The following GRIP1 variants were observed in gnomAD, a reference collection of about 807,000 sequenced individuals.
The protein encoded by GRIP1 is glutamate receptor interacting protein 1.
In GRIP1, 45 loss-of-function variants were observed where a neutral mutation model predicts 129.9. That is an observed-to-expected ratio of 0.35 (90% CI 0.27 to 0.44). The LOEUF is 0.44. Ranked by LOEUF, GRIP1 falls within the 20% of genes least tolerant of loss-of-function variation. The probability of loss-of-function intolerance (pLI) is 1.00; values close to 1 mark genes in which losing one functional copy is unlikely to be tolerated. For synonymous variants in GRIP1, 530 were observed against 520.8 expected (o/e 1.02, Z -0.24); for missense variants, 1,196 against 1,396.8 (o/e 0.86, Z 2.29).
At chr12:66,814,589 T>TAAAAA (rs79461500) in intron 1 of GRIP1, among the ~76,000 whole-genome samples, 1 of 108,414 alleles carries the variant, frequency 9.2e-6, no homozygotes. Flanking sequence ...AGTGATACCA[T>TAAAAA]AAAAAAAAAA....
chr12:66,923,214 C>T (rs1172293590), intron 1 of GRIP1, among the ~76,000 whole-genome samples: 1 of 152,090 alleles, frequency 6.6e-6, no homozygotes, highest in African/African-American at 2.4e-5. Context: ...GACACAGTGG[C>T]ACATTCCTGT....
At chr12:66,536,242 A>T (rs1160633124) in intron 4 of GRIP1, among the ~76,000 whole-genome samples, 3 of 152,130 alleles carry the variant, frequency 2.0e-5, no homozygotes. Flanking sequence ...GGTCTCTTAC[A>T]GTCTGTTGTC....
At chr12:66,401,135 T>C (rs1020731810) in intron 16 of GRIP1, among the ~76,000 whole-genome samples, 4 of 152,144 alleles carry the variant, frequency 2.6e-5, no homozygotes, top group African/African-American at 9.7e-5. Context: ...GGAAAACGCC[T>C]ACAACCCCAA....
At chr12:67,068,451 G>A (rs1054203532) in intron 1 of GRIP1, among the ~76,000 whole-genome samples, 9 of 152,092 alleles carry the variant, frequency 5.9e-5, no homozygotes, top group African/African-American at 2.2e-4. Context: ...CCCAGACCCT[G>A]ATCGAGGGGA....
At chr12:66,961,774 G>C (rs2041924825) in intron 1 of GRIP1, among the ~76,000 whole-genome samples, 1 of 152,106 alleles carries the variant, frequency 6.6e-6, no homozygotes, top group Non-Finnish European at 1.5e-5. Context: ...GCAAGTGCAG[G>C]TTTACTCTGT....
intron 1 of GRIP1, among the ~76,000 whole-genome samples, chr12:66,766,807 C>T (rs982638728): frequency 7.2e-5 from 11 of 152,178 alleles, no homozygotes; most frequent in Admixed American, 7.2e-4. Context: ...GGAATTCCAA[C>T]CTGCTCTTCC....
In GRIP1 at chr12:66,975,519, C is replaced by A. The variant is rs141027415; in HGVS notation, c.58+93531G>T. Among the ~76,000 whole-genome samples the A allele has an allele frequency of 3.1e-3, 472 of 152,226 alleles. 3 individuals carry two copies. The highest frequency in any genetic ancestry group is 0.011 in the African/African-American group (458 of 41,536). On this transcript the variant is annotated intron_variant, in intron 1 of 1. Transcript: ENST00000643019. Reference sequence around the variant, plus strand: ...TTAACAATAAAAAATAGATTTCCACCTACCATGATAGAGGACTTATCTTTC... The same window carrying A: ...TTAACAATAAAAAATAGATTTCCACATACCATGATAGAGGACTTATCTTTC...
intron 1 of GRIP1, among the ~76,000 whole-genome samples, chr12:66,788,732 C>T (rs2136840570): frequency 6.6e-6 from 1 of 152,154 alleles, no homozygotes; most frequent in African/African-American, 2.4e-5. Context: ...AACTTGGATC[C>T]TGCCTGCAGC....
chr12:66,391,285 A>G (rs1175173369), intron 19 of GRIP1, among the ~76,000 whole-genome samples: 1 of 152,266 alleles, frequency 6.6e-6, no homozygotes, highest in Admixed American at 6.5e-5. Flanking sequence ...TGGAATTTAC[A>G]TAGAACATGA....
In GRIP1 at chr12:66,445,482, A is replaced by G. The variant is rs753454152; in HGVS notation, c.1381T>C (p.Leu461=). ...SLSLASSTVG[L]AGQVVHTETT... is the part of the protein sequence containing the mutation. Reference sequence around the variant, plus strand: ...TCTGTGTGAACAACCTGCCCAGCCAATCCTACTGTGCTGGAGGCTAAGGAC... The same window carrying G: ...TCTGTGTGAACAACCTGCCCAGCCAGTCCTACTGTGCTGGAGGCTAAGGAC... The change falls in exon 12 of 25, where the codon TTG becomes CTG. Residue 461 remains leucine (L), a synonymous_variant. Transcript: ENST00000359742. The G allele has an allele frequency of 6.2e-7, 1 of 1,613,808 alleles. No individual in the cohort carries two copies. Among genetic ancestry groups the G allele is most frequent in the Non-Finnish European group, 8.5e-7 (1 of 1,179,920 alleles).
intron 1 of GRIP1, among the ~76,000 whole-genome samples, chr12:66,603,828 TG>T (rs1041483818): frequency 6.6e-6 from 1 of 152,230 alleles, no homozygotes; most frequent in African/African-American, 2.4e-5. Context: ...AATCCTGAAA[TG>T]GCTGAATTAT....
chr12:66,913,471 G>A (rs2041066904), intron 1 of GRIP1, among the ~76,000 whole-genome samples: 2 of 152,128 alleles, frequency 1.3e-5, no homozygotes, highest in Non-Finnish European at 2.9e-5. Context: ...TAAAACATCT[G>A]GTTTTCAGCA....
At position 66,391,842 on chromosome 12, in the gene GRIP1, C is replaced by T. The variant is rs139868044; in HGVS notation, c.2464+466G>A. On this transcript the variant is annotated intron_variant, in intron 19 of 24. Transcript: ENST00000359742. ...TTCTAGCTGGGGTGACAGAGTGAGA[C>T]CCAGTCTCTAAAAGAAAAAAAAAAG... is the stretch of plus-strand genomic sequence containing the variant. Among the ~76,000 whole-genome samples, 995 of 151,858 alleles carry T rather than the reference C, an allele frequency of 6.6e-3. 19 individuals carry two copies. The highest frequency in any genetic ancestry group is 0.023 in the African/African-American group (960 of 41,396).
intron 7 of GRIP1, among the ~76,000 whole-genome samples, chr12:66,488,878 G>A (rs2060029168): frequency 6.6e-6 from 1 of 152,058 alleles, no homozygotes; most frequent in Admixed American, 6.6e-5. Context: ...TAGAAGAAAT[G>A]TATAAATTCC....
chr12:66,789,300 G>GA, intron 1 of GRIP1, among the ~76,000 whole-genome samples: 1 of 152,266 alleles, frequency 6.6e-6, no homozygotes, highest in Middle Eastern at 3.4e-3. Flanking sequence ...CAGGAGAGGA[G>GA]AAAATCCCAT....
At chr12:66,767,885 T>C (rs2037695657) in intron 1 of GRIP1, among the ~76,000 whole-genome samples, 1 of 152,180 alleles carries the variant, frequency 6.6e-6, no homozygotes, top group Admixed American at 6.5e-5. Flanking sequence ...AACGTGAAGG[T>C]ACAACAACTC....
chr12:66,564,875 C>A (rs2139435827), intron 2 of GRIP1, among the ~76,000 whole-genome samples: 2 of 152,338 alleles, frequency 1.3e-5, no homozygotes, highest in Non-Finnish European at 2.9e-5. Context: ...CTCTGATGGC[C>A]AGTGATGATG....
chr12:66,491,443 C>T (rs1392245634), intron 7 of GRIP1, among the ~76,000 whole-genome samples: 1 of 152,140 alleles, frequency 6.6e-6, no homozygotes, highest in Non-Finnish European at 1.5e-5. Context: ...GGAGGAACAA[C>T]ACACACTGGG....
chr12:66,719,632 A>G (rs2035998471), intron 1 of GRIP1, among the ~76,000 whole-genome samples: 1 of 152,222 alleles, frequency 6.6e-6, no homozygotes, highest in South Asian at 2.1e-4. Context: ...CTACCAAACA[A>G]ATGAAACATC....
Sources: allele counts gnomAD v4.1 joint callset (sites outside exome capture counted in the v4.1 genomes callset), GRCh38; gene constraint gnomAD v4.1.1; transcripts MANE v1.5; gene names NCBI Gene and HGNC (gene_info 2026-07-23, HGNC 2026-07-21).